The following DIPK1A variants were observed in gnomAD, a reference collection of about 807,000 sequenced individuals.
The protein encoded by DIPK1A is family with sequence similarity 69 member A.
DIPK1A carries 27 observed loss-of-function variants against 40.8 expected under a neutral mutation model. That is an observed-to-expected ratio of 0.66 (90% CI 0.49 to 0.91). DIPK1A has a LOEUF of 0.91. DIPK1A is among the 40% of genes least tolerant of loss of function. The pLI is 0.00. For synonymous variants in DIPK1A, 166 were observed against 171.3 expected (o/e 0.97, Z 0.24); for missense variants, 412 against 505.7 (o/e 0.81, Z 1.78).
chr1:92,898,002 G>C (rs1343898956), intron 1 of DIPK1A, among the ~76,000 whole-genome samples: 2 of 151,606 alleles, frequency 1.3e-5, no homozygotes, highest in Admixed American at 1.3e-4. Flanking sequence ...GGGAGGCTGA[G>C]GCAGAAGAAT....
At chr1:92,841,646 C>T (rs1004730955), downstream of DIPK1A, 1 of 596,520 alleles carries the variant, frequency 1.7e-6, no homozygotes, top group Non-Finnish European at 2.7e-6. Context: ...GATTATTTAA[C>T]CTTCTGATTG....
chr1:92,863,402 A>G (rs1647369259), intron 2 of DIPK1A, among the ~76,000 whole-genome samples: 1 of 152,164 alleles, frequency 6.6e-6, no homozygotes, highest in African/African-American at 2.4e-5. Flanking sequence ...AAGAGAGTGT[A>G]GCATAAGACA....
At chr1:92,881,449 G>T (rs1648373358) in intron 1 of DIPK1A, among the ~76,000 whole-genome samples, 1 of 151,818 alleles carries the variant, frequency 6.6e-6, no homozygotes, top group Non-Finnish European at 1.5e-5. Flanking sequence ...TTGATCTCAA[G>T]TTTAAAGATT....
At chr1:92,952,281 C>T (rs1651663431) in intron 1 of DIPK1A, among the ~76,000 whole-genome samples, 2 of 152,120 alleles carry the variant, frequency 1.3e-5, no homozygotes, top group Non-Finnish European at 1.5e-5. Context: ...TTTCCTGAAC[C>T]ATTTGTAAGT....
At chr1:92,841,700 T>A (rs922814753), downstream of DIPK1A, 3 of 1,015,500 alleles carry the variant, frequency 3.0e-6, no homozygotes, top group African/African-American at 3.3e-5. Flanking sequence ...TTTATTAAAA[T>A]TTTAAATTAA....
chr1:92,908,337 G>C (rs1000492000), intron 1 of DIPK1A, among the ~76,000 whole-genome samples: 5 of 152,096 alleles, frequency 3.3e-5, no homozygotes, highest in African/African-American at 1.2e-4. Context: ...ACTATTTAAT[G>C]GTTGGGTAAA....
intron 2 of DIPK1A, among the ~76,000 whole-genome samples, chr1:92,873,077 T>C (rs1647950198): frequency 6.6e-6 from 1 of 152,088 alleles, no homozygotes; most frequent in African/African-American, 2.4e-5. Flanking sequence ...ATCAGCAAAT[T>C]CCCCCCAGGG....
chr1:92,872,326 C>T (rs1415341796), intron 2 of DIPK1A, among the ~76,000 whole-genome samples: 1 of 151,968 alleles, frequency 6.6e-6, no homozygotes, highest in Non-Finnish European at 1.5e-5. Flanking sequence ...AAGTGATCTG[C>T]CCACCTTGGC....
intron 2 of DIPK1A, among the ~76,000 whole-genome samples, chr1:92,875,293 G>A (rs1648065813): frequency 6.6e-6 from 1 of 151,996 alleles, no homozygotes; most frequent in Non-Finnish European, 1.5e-5. Context: ...ATACACCACT[G>A]GCCTGGGTAA....
chr1:92,876,025 AAT>A lies in DIPK1A; in HGVS notation c.189+269_189+270del, dbSNP rs150655420. On this transcript the variant is annotated intron_variant, in intron 2 of 4. Transcript: ENST00000370310. ...TAAACTAAAACTTAAATATATTAAA[AAT>A]ATATATATATATAATAAAAATCCTT... Among the ~76,000 whole-genome samples, 96 of 148,780 alleles carry A rather than the reference AAT, an allele frequency of 6.5e-4. No individual in the cohort carries two copies. The East Asian group carries it at 0.015, about 23-fold the overall frequency.
In DIPK1A at chr1:92,865,226, G is replaced by GGTAGCTCAT. The variant is rs572691127; in HGVS notation, c.189+11061_189+11069dup. Among the ~76,000 whole-genome samples the GGTAGCTCAT allele has an allele frequency of 1.2e-4, 18 of 151,792 alleles. No homozygotes were observed. The South Asian group carries it at 3.8e-3, about 32-fold the overall frequency. ...AAAATTTTAAAAATTAGCTGGGCAT[G>GGTAGCTCAT]GTAGCTCATGCCTGTAGTCTCAGCT... is the stretch of plus-strand genomic sequence containing the variant. On this transcript the variant is annotated intron_variant, in intron 2 of 4. Transcript: ENST00000370310.
chr1:92,913,057 G>A (rs934340254), intron 1 of DIPK1A, among the ~76,000 whole-genome samples: 1 of 152,022 alleles, frequency 6.6e-6, no homozygotes, highest in Non-Finnish European at 1.5e-5. Flanking sequence ...TGAGCAGCCT[G>A]AGTGACAGAG....
chr1:92,913,496 T>G (rs1649918669), intron 1 of DIPK1A, among the ~76,000 whole-genome samples: 1 of 152,246 alleles, frequency 6.6e-6, no homozygotes, highest in South Asian at 2.1e-4. Context: ...CCATTTTGTC[T>G]TTCCTATTAT....
intron 1 of DIPK1A, among the ~76,000 whole-genome samples, chr1:92,899,654 T>A (rs1649328225): frequency 6.6e-6 from 1 of 152,212 alleles, no homozygotes. Context: ...TTAATGTTTA[T>A]CATTGTCATT....
intron 4 of DIPK1A, chr1:92,833,370 A>G (rs1379231105): frequency 6.3e-7 from 1 of 1,587,662 alleles, no homozygotes; most frequent in Non-Finnish European, 8.6e-7. Flanking sequence ...AGTTTTAATA[A>G]CATTCTTTTT....
At chr1:92,900,882 T>G (rs1418750470) in intron 1 of DIPK1A, among the ~76,000 whole-genome samples, 1 of 143,076 alleles carries the variant, frequency 7.0e-6, no homozygotes, top group African/African-American at 2.5e-5. Context: ...CTTTTTCATG[T>G]TTTTTTTTTT....
At chr1:92,877,159 T>C in intron 1 of DIPK1A, 1 of 985,310 alleles carries the variant, frequency 1.0e-6, no homozygotes, top group Non-Finnish European at 1.2e-6. Flanking sequence ...TTGTTTTGTT[T>C]CCAGTGCTCT....
At position 92,871,828 on chromosome 1, in the gene DIPK1A, A is replaced by G. The variant is rs1179512516; in HGVS notation, c.189+4468T>C. 2.6e-5 allele frequency among the ~76,000 whole-genome samples: 4 copies of G among 152,214 alleles called. No individual in the cohort carries two copies. In the East Asian group the frequency reaches 7.7e-4, roughly 29 times the overall value. On this transcript the variant is annotated intron_variant, in intron 2 of 4. Transcript: ENST00000370310. ...TTTTTAAAGGCTAATATTCCATTGTATCTATATACAATATTTTGTTTATCC... is the reference window on the plus strand; with the variant it reads ...TTTTTAAAGGCTAATATTCCATTGTGTCTATATACAATATTTTGTTTATCC...
intron 1 of DIPK1A, among the ~76,000 whole-genome samples, chr1:92,879,138 CCACTG>C (rs1239987171): frequency 6.6e-6 from 1 of 152,156 alleles, no homozygotes; most frequent in Non-Finnish European, 1.5e-5. Context: ...CAAGATCGCA[CCACTG>C]CACTACAGCC....
Sources: allele counts gnomAD v4.1 joint callset (sites outside exome capture counted in the v4.1 genomes callset), GRCh38; gene constraint gnomAD v4.1.1; transcripts MANE v1.5; gene names NCBI Gene and HGNC (gene_info 2026-07-23, HGNC 2026-07-21).